Variants in CSNK2A2 observed in about 807,000 individuals in gnomAD.
CSNK2A2 encodes the protein casein kinase II subunit alpha'.
Under a neutral mutation model 54.0 loss-of-function variants are expected in CSNK2A2, and 8 were observed. The observed-to-expected ratio is 0.15, with a 90% CI of 0.09 to 0.27. CSNK2A2 has a LOEUF of 0.27. Among genes scored for constraint, CSNK2A2 ranks in the 10% least tolerant of loss-of-function variants. CSNK2A2 has a pLI of 1.00. For missense variants in CSNK2A2, 242 were observed against 439.4 expected, an observed-to-expected ratio of 0.55 and a Z score of 4.02; for synonymous variants, 141 against 153.9, an observed-to-expected ratio of 0.92 and a Z score of 0.62.
chr16:58,183,004 A>T (rs1355263362), intron 4 of CSNK2A2, among the ~76,000 whole-genome samples: 1 of 152,140 alleles, frequency 6.6e-6, no homozygotes, highest in African/African-American at 2.4e-5. Context: ...TATAAGTCAA[A>T]ATATCTTCTT....
rs370090385 is a variant in CSNK2A2, at chr16:58,162,046, A to G, written c.*17+2008T>C. 14 of 152,180 alleles carry G rather than the reference A, an allele frequency of 9.2e-5. No individual in the cohort carries two copies. The South Asian group carries it at 2.7e-3, about 29-fold the overall frequency. 9.4% of individuals were successfully genotyped at this position (152,180 alleles called of 1,614,324 possible). Reference sequence around the variant, plus strand: ...AGTTACCGCTTCACCAAGACCCTCCAGTAGGCACCTCTTGCCTGGTCCAGA... The same window carrying G: ...AGTTACCGCTTCACCAAGACCCTCCGGTAGGCACCTCTTGCCTGGTCCAGA... On this transcript the variant is annotated intron_variant, in intron 11 of 11. Transcript: ENST00000262506.
At chr16:58,167,362 G>T in intron 7 of CSNK2A2, 54 bp from the exon 8 acceptor site, 1 of 1,397,778 alleles carries the variant, frequency 7.2e-7, no homozygotes, top group Non-Finnish European at 9.9e-7. Flanking sequence ...CCATTTTTCT[G>T]ATATAAATTT....
intron 6 of CSNK2A2, among the ~76,000 whole-genome samples, chr16:58,168,089 G>T (rs1229469420): frequency 6.6e-6 from 1 of 152,042 alleles, no homozygotes; most frequent in Non-Finnish European, 1.5e-5. Context: ...AGTTACACTT[G>T]GTAACACATT....
chr16:58,164,005 T>G, intron 11 of CSNK2A2, 49 bp downstream of exon 11: 1 of 1,392,806 alleles, frequency 7.2e-7, no homozygotes, highest in Non-Finnish European at 1.0e-6. Flanking sequence ...TCCTTCAAGG[T>G]TTGTGTTTGG....
At chr16:58,183,520 C>T (rs1962117688) in intron 4 of CSNK2A2, among the ~76,000 whole-genome samples, 1 of 152,136 alleles carries the variant, frequency 6.6e-6, no homozygotes, top group Admixed American at 6.5e-5. Context: ...TATTCACTGA[C>T]AGAGTTACAA....
At position 58,166,723 on chromosome 16, in the gene CSNK2A2, G is replaced by A. The variant is rs775573442; in HGVS notation, c.727-39C>T. 5 of 1,421,338 alleles carry A rather than the reference G, an allele frequency of 3.5e-6. No homozygotes were observed. The African/African-American group carries it at 7.0e-5, about 20-fold the overall frequency. The allele number at this position is 1,421,338 out of a possible 1,614,324, so 88.0% of individuals were successfully genotyped here. A position where few individuals can be genotyped will look rare whatever the true frequency, so the allele number is the denominator to read the frequency against. On this transcript the variant is annotated intron_variant, in intron 8 of 11. Transcript: ENST00000262506. ...CAAACTGACCAAATCACTGAGCACA[G>A]AACACACCATGAGCCCGTGAGGACA...
chr16:58,189,847 A>G (rs1962284240), intron 2 of CSNK2A2, among the ~76,000 whole-genome samples: 1 of 152,222 alleles, frequency 6.6e-6, no homozygotes, highest in Admixed American at 6.5e-5. Context: ...AGATCCCTTC[A>G]GCCTCAGTTT....
At chr16:58,196,923 C>A in intron 1 of CSNK2A2, 79 bp from the exon 2 acceptor site, 1 of 879,132 alleles carries the variant, frequency 1.1e-6, no homozygotes, top group Non-Finnish European at 2.0e-6. Flanking sequence ...GTCATTCAGC[C>A]GCTTCCACCA....
chr16:58,195,366 G>C (rs1962413457), intron 2 of CSNK2A2, among the ~76,000 whole-genome samples: 1 of 152,090 alleles, frequency 6.6e-6, no homozygotes, highest in African/African-American at 2.4e-5. Flanking sequence ...AGGATGTTTT[G>C]AGTGATGGAG....
At chr16:58,169,942 G>C (rs1001935667) in intron 5 of CSNK2A2, among the ~76,000 whole-genome samples, 1 of 151,982 alleles carries the variant, frequency 6.6e-6, no homozygotes, top group Non-Finnish European at 1.5e-5. Context: ...GCTACTTGTG[G>C]GGCTAAGGCA....
At chr16:58,176,612 C>CA (rs894168847) in intron 4 of CSNK2A2, among the ~76,000 whole-genome samples, 23 of 152,172 alleles carry the variant, frequency 1.5e-4, no homozygotes, top group African/African-American at 5.6e-4. Context: ...ACTGTACCCC[C>CA]AGGAGTCCAC....
chr16:58,169,904 G>A (rs1296955449), intron 5 of CSNK2A2, among the ~76,000 whole-genome samples: 1 of 152,190 alleles, frequency 6.6e-6, no homozygotes, highest in Middle Eastern at 3.4e-3. Context: ...AAATTAGCCA[G>A]GCAAGGTGGT....
rs186759309 is a variant in CSNK2A2, at chr16:58,183,975, G to A, written c.369+285C>T. On this transcript the variant is annotated intron_variant, in intron 4 of 11. Coordinates refer to ENST00000262506, the MANE Select transcript of CSNK2A2 (RefSeq NM_001896.4). ...AAGGCAAAGTTAACATACAACTAAA[G>A]CTATGCTGTCTAAAACAGGAGTGTT... Among the ~76,000 whole-genome samples the A allele has an allele frequency of 6.6e-5, 10 of 152,248 alleles. No homozygotes were observed. In the East Asian group the frequency reaches 1.9e-3, roughly 29 times the overall value.
Position 58,158,293 on chromosome 16 carries a change from G to A in CSNK2A2, c.*78C>T, listed in dbSNP as rs936040289. The A allele has an allele frequency of 2.6e-5, 4 of 152,666 alleles. No individual in the cohort carries two copies. The highest frequency in any genetic ancestry group is 5.9e-5 in the Non-Finnish European group (4 of 68,062). 9.5% of individuals were successfully genotyped at this position (152,666 alleles called of 1,614,324 possible). ...CACGGAACGTGATCTCTCTATACGC[G>A]TTAAGACGTTTGATTTGGTTCTTGT... is the stretch of plus-strand genomic sequence containing the variant. On this transcript the variant is annotated 3_prime_UTR_variant, in exon 12 of 12. Transcript: ENST00000262506.
intron 2 of CSNK2A2, among the ~76,000 whole-genome samples, chr16:58,192,257 T>C (rs1044340578): frequency 6.6e-6 from 1 of 152,228 alleles, no homozygotes; most frequent in Non-Finnish European, 1.5e-5. Context: ...TGGTAGATCC[T>C]GAAATTAAAC....
intron 3 of CSNK2A2, 59 bp from the exon 4 acceptor site, chr16:58,184,369 T>C: frequency 1.5e-6 from 2 of 1,323,870 alleles, no homozygotes; most frequent in Non-Finnish European, 2.1e-6. Context: ...TGTAATCTGC[T>C]TCTGCCAAAA....
At chr16:58,164,267 G>A (rs1317968409) in intron 10 of CSNK2A2, 120 bp from the exon 11 acceptor site, 6 of 772,760 alleles carry the variant, frequency 7.8e-6, no homozygotes, top group Admixed American at 4.5e-5. Context: ...AGGGTCAGGG[G>A]GGCAACAGGA....
chr16:58,187,928 G>A (rs754962842), intron 2 of CSNK2A2, among the ~76,000 whole-genome samples: 1 of 151,380 alleles, frequency 6.6e-6, no homozygotes, highest in South Asian at 2.1e-4. Flanking sequence ...CGTAACTAAG[G>A]AAAAAAGAGT....
intron 4 of CSNK2A2, among the ~76,000 whole-genome samples, chr16:58,181,496 T>C (rs1050617303): frequency 2.6e-5 from 4 of 152,006 alleles, no homozygotes; most frequent in African/African-American, 9.7e-5. Context: ...TGAGCAGACA[T>C]TCAAAAACCA....
Sources: gnomAD v4.1 joint callset for allele counts (sites outside exome capture counted in the v4.1 genomes callset) on GRCh38, gnomAD v4.1.1 for gene constraint, MANE v1.5 for transcripts, NCBI Gene and HGNC (gene_info 2026-07-23, HGNC 2026-07-21) for gene names.